Variants in DEPTOR observed in about 807,000 individuals in gnomAD.
DEPTOR encodes DEP domain containing MTOR interacting protein.
In DEPTOR, 41 loss-of-function variants were observed where a neutral mutation model predicts 41.6. That is an observed-to-expected ratio of 0.98 (90% CI 0.77 to 1.28). DEPTOR has a LOEUF of 1.28. Ranked by LOEUF, DEPTOR falls within the 50% of genes most tolerant of loss-of-function variation. The probability of loss-of-function intolerance (pLI) is 0.00; values close to 1 mark genes in which losing one functional copy is unlikely to be tolerated. For synonymous variants in DEPTOR, 195 were observed against 192.3 expected (o/e 1.01, Z -0.12); for missense variants, 514 against 527.9 (o/e 0.97, Z 0.26).
chr8:120,016,516 G>A (rs1224027531), intron 8 of DEPTOR, among the ~76,000 whole-genome samples: 1 of 151,940 alleles, frequency 6.6e-6, no homozygotes, highest in African/African-American at 2.4e-5. Flanking sequence ...GGTCAGGCTG[G>A]TCTCAAACTC....
chr8:120,013,723 G>T (rs1812566556), intron 8 of DEPTOR, among the ~76,000 whole-genome samples: 1 of 152,140 alleles, frequency 6.6e-6, no homozygotes. Flanking sequence ...TGAATGTCAG[G>T]CTCTCCCTTT....
intron 1 of DEPTOR, among the ~76,000 whole-genome samples, chr8:119,909,243 A>G (rs1228545159): frequency 6.6e-6 from 1 of 152,232 alleles, no homozygotes; most frequent in East Asian, 1.9e-4. Context: ...CCTAATTAAT[A>G]GAGTGTGACT....
At chr8:119,992,589 G>A (rs1324406809) in intron 4 of DEPTOR, among the ~76,000 whole-genome samples, 4 of 151,772 alleles carry the variant, frequency 2.6e-5, no homozygotes, top group Non-Finnish European at 4.4e-5. Context: ...TATCATTTAT[G>A]AGCAAGCATT....
At chr8:120,003,321 T>C (rs188904073) in intron 6 of DEPTOR, among the ~76,000 whole-genome samples, 1 of 152,276 alleles carries the variant, frequency 6.6e-6, no homozygotes, top group East Asian at 1.9e-4. Context: ...AAGGCTATCA[T>C]TGACCCAGTA....
At chr8:119,903,066 G>A (rs1827615870) in intron 1 of DEPTOR, among the ~76,000 whole-genome samples, 1 of 152,170 alleles carries the variant, frequency 6.6e-6, no homozygotes, top group African/African-American at 2.4e-5. Flanking sequence ...ATGGACAGCA[G>A]TGAAGTAGGA....
chr8:120,049,617 G>T lies in DEPTOR; in HGVS notation c.1143G>T (p.Leu381=). Reference sequence around the variant, plus strand: ...TCTCTGTCAACGGGCTCAATGTCCTGCATGTAGACTACCGGACCGTGAGCA... The same window carrying T: ...TCTCTGTCAACGGGCTCAATGTCCTTCATGTAGACTACCGGACCGTGAGCA... The part of the protein sequence containing the change: ...FVVSVNGLNV[L]HVDYRTVSNL... Residue 381 remains leucine, a synonymous_variant, in exon 9 of 9, where the codon CTG becomes CTT. Coordinates refer to ENST00000286234, the MANE Select transcript of DEPTOR (RefSeq NM_022783.4). 1 of 1,613,994 alleles carries T rather than the reference G, an allele frequency of 6.2e-7. No homozygotes were observed. Among genetic ancestry groups the T allele is most frequent in the Non-Finnish European group, 8.5e-7 (1 of 1,179,920 alleles).
chr8:119,882,684 G>A (rs541922588), intron 1 of DEPTOR, among the ~76,000 whole-genome samples: 109 of 152,154 alleles, frequency 7.2e-4, no homozygotes, highest in Middle Eastern at 3.4e-3. Context: ...GCTGATATTA[G>A]AGGCCATCAG....
At chr8:119,886,308 T>G (rs746396037) in intron 1 of DEPTOR, among the ~76,000 whole-genome samples, 3 of 152,122 alleles carry the variant, frequency 2.0e-5, no homozygotes, top group Non-Finnish European at 4.4e-5. Flanking sequence ...AAGGGAAGTA[T>G]TTCCATTCAG....
chr8:119,876,494 C>T (rs147457300), intron 1 of DEPTOR, among the ~76,000 whole-genome samples: 2,085 of 151,980 alleles, frequency 0.014, 53 homozygotes, highest in African/African-American at 0.048. Flanking sequence ...AAGAATTAGC[C>T]GGGTGTGGTG....
Position 120,032,550 on chromosome 8 carries a change from G to A in DEPTOR, c.1102-17026G>A, listed in dbSNP as rs1331558179. ...CTAACTTTCATTCCTGAAGGTTCCC[G>A]AGTGGGACCACAAGTGAAGCTGGTG... On this transcript the variant is annotated intron_variant, in intron 8 of 8. Coordinates refer to ENST00000286234, the MANE Select transcript of DEPTOR (RefSeq NM_022783.4). Among the ~76,000 whole-genome samples, 6 of 152,032 alleles carry A rather than the reference G, an allele frequency of 3.9e-5. No homozygotes were observed. In the South Asian group the frequency reaches 6.2e-4, roughly 16 times the overall value.
At chr8:120,042,641 C>G (rs1306217081) in intron 8 of DEPTOR, among the ~76,000 whole-genome samples, 1 of 152,064 alleles carries the variant, frequency 6.6e-6, no homozygotes, top group Non-Finnish European at 1.5e-5. Context: ...GCCTCAGCCT[C>G]CCAAGTAGCT....
intron 1 of DEPTOR, among the ~76,000 whole-genome samples, chr8:119,898,343 G>C (rs1827546445): frequency 6.6e-6 from 1 of 152,160 alleles, no homozygotes; most frequent in Non-Finnish European, 1.5e-5. Context: ...ACTAGAAATT[G>C]TTGGCATTCT....
chr8:119,997,080 G>C (rs1812273723), intron 4 of DEPTOR, among the ~76,000 whole-genome samples: 1 of 152,114 alleles, frequency 6.6e-6, no homozygotes, highest in Non-Finnish European at 1.5e-5. Flanking sequence ...CTGAATCCAA[G>C]AATGGTTGGT....
intron 3 of DEPTOR, among the ~76,000 whole-genome samples, chr8:119,959,307 C>T (rs546443515): frequency 6.6e-6 from 1 of 151,640 alleles, no homozygotes; most frequent in South Asian, 2.1e-4. Flanking sequence ...GGACTACAGG[C>T]GCCCACCACC....
At chr8:119,900,360 G>T (rs1399962425) in intron 1 of DEPTOR, among the ~76,000 whole-genome samples, 3 of 83,710 alleles carry the variant, frequency 3.6e-5, no homozygotes, top group African/African-American at 5.3e-5. Context: ...AAAACTAAAT[G>T]TCTATTACAC....
chr8:119,955,735 G>T (rs577723579), intron 3 of DEPTOR, among the ~76,000 whole-genome samples: 2 of 152,214 alleles, frequency 1.3e-5, no homozygotes, highest in Admixed American at 1.3e-4. Flanking sequence ...CAAAGTGCTG[G>T]GATTACAGGT....
At chr8:119,917,454 G>A (rs111486708) in intron 1 of DEPTOR, among the ~76,000 whole-genome samples, 176 of 152,146 alleles carry the variant, frequency 1.2e-3, no homozygotes, top group African/African-American at 4.2e-3. Context: ...GAAACATGTG[G>A]TGTGTCAACT....
At chr8:119,932,239 C>T (rs570414020) in intron 3 of DEPTOR, among the ~76,000 whole-genome samples, 1 of 152,164 alleles carries the variant, frequency 6.6e-6, no homozygotes, top group South Asian at 2.1e-4. Flanking sequence ...CTTGCCTTGG[C>T]CTCTCAAAGC....
At chr8:119,955,233 C>T (rs1828403165) in intron 3 of DEPTOR, among the ~76,000 whole-genome samples, 1 of 152,118 alleles carries the variant, frequency 6.6e-6, no homozygotes, top group Non-Finnish European at 1.5e-5. Context: ...CAAATATTTT[C>T]TCCCATTCTG....
Sources: allele counts gnomAD v4.1 joint callset (sites outside exome capture counted in the v4.1 genomes callset), GRCh38; gene constraint gnomAD v4.1.1; transcripts MANE v1.5; gene names NCBI Gene and HGNC (gene_info 2026-07-23, HGNC 2026-07-21).